Variants in CTNND2 observed in about 807,000 individuals in gnomAD.
CTNND2 encodes catenin delta-2.
Under a neutral mutation model 144.4 loss-of-function variants are expected in CTNND2, and 22 were observed. The observed-to-expected ratio is 0.15, with a 90% confidence interval of 0.11 to 0.22. The LOEUF (loss-of-function observed/expected upper bound fraction) is 0.22. CTNND2 is among the 10% of genes least tolerant of loss of function. The pLI is 1.00. For synonymous variants in CTNND2, 751 were observed against 695.6 expected, an observed-to-expected ratio of 1.08 and a Z score of -1.25; for missense variants, 1,353 against 1,618.8, an observed-to-expected ratio of 0.84 and a Z score of 2.82.
chr5:11,849,873 T>A (rs909944475), intron 1 of CTNND2, among the ~76,000 whole-genome samples: 2 of 152,096 alleles, frequency 1.3e-5, no homozygotes, highest in African/African-American at 2.4e-5. Flanking sequence ...AATGGCTGAG[T>A]AGGAAAATCA....
At chr5:11,527,992 C>A (rs1294793705) in intron 3 of CTNND2, among the ~76,000 whole-genome samples, 1 of 152,094 alleles carries the variant, frequency 6.6e-6, no homozygotes, top group Non-Finnish European at 1.5e-5. Context: ...AGAATAATAT[C>A]ATAATAACAT....
At chr5:11,098,173 C>T (rs1404219438) in intron 15 of CTNND2, among the ~76,000 whole-genome samples, 3 of 152,070 alleles carry the variant, frequency 2.0e-5, no homozygotes, top group African/African-American at 4.8e-5. Flanking sequence ...GGACCCGGTA[C>T]ATTTTAAGTG....
At chr5:10,991,147 A>G (rs1738629876) in intron 19 of CTNND2, among the ~76,000 whole-genome samples, 1 of 152,240 alleles carries the variant, frequency 6.6e-6, no homozygotes, top group African/African-American at 2.4e-5. Context: ...ATGACAGTAC[A>G]CTAGAAGGAT....
chr5:11,057,025 A>T (rs1746414098), intron 16 of CTNND2, among the ~76,000 whole-genome samples: 2 of 152,342 alleles, frequency 1.3e-5, no homozygotes, highest in South Asian at 4.1e-4. Context: ...CATTGGTGTG[A>T]CATCCATCTA....
chr5:11,388,424 T>C (rs1349031074), intron 6 of CTNND2, among the ~76,000 whole-genome samples: 5 of 152,188 alleles, frequency 3.3e-5, no homozygotes, highest in African/African-American at 7.2e-5. Context: ...CTTCAGTACA[T>C]ACTTAACTTT....
intron 16 of CTNND2, among the ~76,000 whole-genome samples, chr5:11,065,283 G>C (rs1747440565): frequency 6.6e-6 from 1 of 152,226 alleles, no homozygotes; most frequent in Non-Finnish European, 1.5e-5. Flanking sequence ...ACCTACTTAA[G>C]ATAGTTCTTT....
chr5:11,524,286 T>C (rs1773017582), intron 3 of CTNND2, among the ~76,000 whole-genome samples: 1 of 152,202 alleles, frequency 6.6e-6, no homozygotes, highest in Admixed American at 6.5e-5. Flanking sequence ...GTCATTTGAA[T>C]TGTTTCCCTG....
chr5:11,631,995 C>A (rs929867979), intron 2 of CTNND2, among the ~76,000 whole-genome samples: 15 of 152,252 alleles, frequency 9.9e-5, no homozygotes, highest in Non-Finnish European at 2.1e-4. Context: ...ATGGGAATGG[C>A]TATATTTAAA....
intron 17 of CTNND2, among the ~76,000 whole-genome samples, chr5:11,019,992 G>A (rs1034648466): frequency 6.6e-6 from 1 of 152,184 alleles, no homozygotes; most frequent in Non-Finnish European, 1.5e-5. Flanking sequence ...TACTATAAGA[G>A]TTAATAACAA....
At chr5:11,620,039 A>G (rs1780758598) in intron 2 of CTNND2, among the ~76,000 whole-genome samples, 2 of 152,136 alleles carry the variant, frequency 1.3e-5, no homozygotes, top group South Asian at 4.1e-4. Flanking sequence ...AATCGATGAT[A>G]TTTTGCATTT....
At chr5:11,445,589 C>A (rs965759801) in intron 3 of CTNND2, among the ~76,000 whole-genome samples, 1 of 152,160 alleles carries the variant, frequency 6.6e-6, no homozygotes, top group African/African-American at 2.4e-5. Context: ...CTCACCCATG[C>A]CTGGGATTTC....
At chr5:11,226,932 T>C (rs1309972936) in intron 10 of CTNND2, among the ~76,000 whole-genome samples, 1 of 152,220 alleles carries the variant, frequency 6.6e-6, no homozygotes, top group East Asian at 1.9e-4. Context: ...CACATATCAA[T>C]ATATCAAGTA....
At chr5:11,163,100 A>G (rs1228737761) in intron 11 of CTNND2, among the ~76,000 whole-genome samples, 1 of 152,126 alleles carries the variant, frequency 6.6e-6, no homozygotes, top group Non-Finnish European at 1.5e-5. Flanking sequence ...TTTCCTTCAA[A>G]TGGTGGAGCC....
chr5:11,430,831 T>C (rs1394870283), intron 3 of CTNND2, among the ~76,000 whole-genome samples: 1 of 152,204 alleles, frequency 6.6e-6, no homozygotes, highest in Non-Finnish European at 1.5e-5. Context: ...GAAAATGCAA[T>C]CTTAGTTTAT....
chr5:11,611,955 C>G (rs1278320771), intron 2 of CTNND2, among the ~76,000 whole-genome samples: 1 of 152,116 alleles, frequency 6.6e-6, no homozygotes, highest in African/African-American at 2.4e-5. Context: ...TATTTCATTT[C>G]TAGTTGTGTT....
chr5:11,547,268 A>AAAATAAAT lies in CTNND2; in HGVS notation c.287+17668_287+17675dup, dbSNP rs140923100. Among the ~76,000 whole-genome samples the AAAATAAAT allele has an allele frequency of 3.7e-3, 530 of 143,152 alleles. 4 individuals are homozygous for AAAATAAAT. The highest frequency in any genetic ancestry group is 5.7e-3 in the African/African-American group (217 of 38,390). The allele number at this position is 143,152 out of a possible 152,430, so 93.9% of individuals were successfully genotyped here. A position where few individuals can be genotyped will look rare whatever the true frequency, so the allele number is the denominator to read the frequency against. Reference sequence around the variant, plus strand: ...GGGCGACAGTGTGAGATTCCATCTCAAAATAAATAAATAAATAAATAAATA... The same window carrying AAAATAAAT: ...GGGCGACAGTGTGAGATTCCATCTCAAAATAAATAAATAAATAAATAAATAAATAAATA... On this transcript the variant is annotated intron_variant, in intron 3 of 21. Coordinates refer to ENST00000304623, the MANE Select transcript of CTNND2 (RefSeq NM_001332.4).
chr5:11,453,533 C>T (rs1271316756), intron 3 of CTNND2, among the ~76,000 whole-genome samples: 1 of 151,944 alleles, frequency 6.6e-6, no homozygotes, highest in Non-Finnish European at 1.5e-5. Flanking sequence ...AGGTTTCAGC[C>T]GAAATATCAG....
chr5:11,204,807 G>C (rs1051992715), intron 10 of CTNND2, among the ~76,000 whole-genome samples: 8 of 152,226 alleles, frequency 5.3e-5, no homozygotes, highest in African/African-American at 1.9e-4. Context: ...GGAGGTATCT[G>C]TCTTTATTTA....
At chr5:11,249,847 T>C (rs190196465) in intron 9 of CTNND2, among the ~76,000 whole-genome samples, 45 of 151,364 alleles carry the variant, frequency 3.0e-4, no homozygotes, top group Admixed American at 2.7e-3. Context: ...TTAGTGTCCA[T>C]GTCAAAAAAA....
Sources: gnomAD v4.1 joint callset for allele counts (sites outside exome capture counted in the v4.1 genomes callset) on GRCh38, gnomAD v4.1.1 for gene constraint, MANE v1.5 for transcripts, NCBI Gene and HGNC (gene_info 2026-07-23, HGNC 2026-07-21) for gene names.